The following WNT7B variants were observed in gnomAD, a reference collection of about 807,000 sequenced individuals.
WNT7B encodes protein Wnt-7b.
Under a neutral mutation model 38.2 loss-of-function variants are expected in WNT7B, and 19 were observed. The observed-to-expected ratio is 0.50, with a 90% CI of 0.35 to 0.73. The LOEUF (loss-of-function observed/expected upper bound fraction) is 0.73, where lower values mean the gene tolerates loss of function less well. WNT7B is among the 30% of genes least tolerant of loss of function. WNT7B has a pLI of 0.01. For synonymous variants in WNT7B, 243 were observed against 209.3 expected (o/e 1.16, Z -1.39); for missense variants, 423 against 507.9 (o/e 0.83, Z 1.61).
intron 1 of WNT7B, among the ~76,000 whole-genome samples, chr22:45,953,762 G>A (rs1016573791): frequency 4.0e-5 from 6 of 149,504 alleles, no homozygotes; most frequent in South Asian, 2.2e-4. Context: ...AGAAAGAAAA[G>A]AACAAGTGTT....
intron 2 of WNT7B, among the ~76,000 whole-genome samples, chr22:45,943,012 A>T (rs28616004): frequency 6.8e-6 from 1 of 147,048 alleles, no homozygotes; most frequent in African/African-American, 2.6e-5. Context: ...GTATGTGTGC[A>T]GTGTGCATGT....
intron 1 of WNT7B, among the ~76,000 whole-genome samples, chr22:45,955,367 T>C (rs1368153556): frequency 6.6e-6 from 1 of 152,242 alleles, no homozygotes; most frequent in Non-Finnish European, 1.5e-5. Flanking sequence ...ACTATTTTTA[T>C]AGCCAGTGAT....
intron 2 of WNT7B, among the ~76,000 whole-genome samples, chr22:45,937,071 A>G (rs966611514): frequency 6.6e-6 from 1 of 152,104 alleles, no homozygotes; most frequent in African/African-American, 2.4e-5. Context: ...GTGCCCTCCT[A>G]GGAGGAGAGC....
intron 2 of WNT7B, 126 bp downstream of exon 2, chr22:45,949,794 G>A: frequency 1.1e-6 from 1 of 924,070 alleles, no homozygotes; most frequent in East Asian, 2.7e-5. Flanking sequence ...CTCACAGGAA[G>A]GCAAAGAAAT....
intron 3 of WNT7B, chr22:45,927,043 G>C (rs1478857161): frequency 6.1e-6 from 6 of 985,430 alleles, no homozygotes; most frequent in Non-Finnish European, 7.2e-6. Context: ...ATGTCACCAA[G>C]AGAGGTGCCC....
rs1932302787 is a variant in WNT7B at position 45,965,972 on chromosome 22, G to A, written c.71+10712C>T. On this transcript the variant is annotated intron_variant, in intron 1 of 3. Coordinates refer to ENST00000339464, the MANE Select transcript of WNT7B (RefSeq NM_058238.3). This position sits in a 1 kb window ranked among gnomAD's most constrained non-coding sequence, Gnocchi z 6.5. ...TGGACCCGACAGCCAGGAGTCCCTG[G>A]GCTCAAATCTGGGCTCAGCTGCTTG... Among the ~76,000 whole-genome samples the A allele has an allele frequency of 6.6e-6, 1 of 152,140 alleles. No homozygotes were observed. The highest frequency in any genetic ancestry group is 1.5e-5 in the Non-Finnish European group (1 of 68,024).
chr22:45,938,824 C>T (rs1330913185), intron 2 of WNT7B, among the ~76,000 whole-genome samples: 1 of 152,190 alleles, frequency 6.6e-6, no homozygotes, highest in Admixed American at 6.5e-5. Context: ...ATCTTAAATA[C>T]CCTGACTTGA....
intron 2 of WNT7B, among the ~76,000 whole-genome samples, chr22:45,940,456 C>T (rs1238597176): frequency 1.3e-5 from 2 of 152,188 alleles, no homozygotes; most frequent in African/African-American, 4.8e-5. Context: ...TCTTGACACT[C>T]TACACACGCG....
At chr22:45,946,561 G>C (rs926025398) in intron 2 of WNT7B, among the ~76,000 whole-genome samples, 1 of 152,168 alleles carries the variant, frequency 6.6e-6, no homozygotes, top group Non-Finnish European at 1.5e-5. Context: ...GAAGACACAA[G>C]AGACAAGCCT....
At chr22:45,948,835 T>TCG (rs2146731387) in intron 2 of WNT7B, among the ~76,000 whole-genome samples, 1 of 122,892 alleles carries the variant, frequency 8.1e-6, no homozygotes, top group African/African-American at 4.6e-5. Flanking sequence ...CCCTTTTTTT[T>TCG]TTTTTTTTTT....
chr22:45,970,470 G>A (rs901241090), intron 1 of WNT7B, among the ~76,000 whole-genome samples: 5 of 152,016 alleles, frequency 3.3e-5, no homozygotes, highest in Non-Finnish European at 7.4e-5. Flanking sequence ...TGCTGCCTTG[G>A]CATCAACTCC....
intron 2 of WNT7B, among the ~76,000 whole-genome samples, chr22:45,936,663 C>T (rs1254115893): frequency 6.6e-6 from 1 of 152,286 alleles, no homozygotes; most frequent in African/African-American, 2.4e-5. Context: ...ACGCAGCCCC[C>T]TGCCCTGCCT....
chr22:45,929,840 A>C (rs1931264306), intron 3 of WNT7B, among the ~76,000 whole-genome samples: 45 of 111,626 alleles, frequency 4.0e-4, no homozygotes, highest in African/African-American at 1.4e-3. Flanking sequence ...ACTCTTCTAT[A>C]CATCCACCCA....
intron 2 of WNT7B, among the ~76,000 whole-genome samples, chr22:45,943,008 G>A (rs374200417): frequency 0.014 from 2,178 of 151,422 alleles, 53 homozygotes; most frequent in African/African-American, 0.049. Context: ...GCGTGTATGT[G>A]TGCAGTGTGC....
At chr22:45,929,735 CCCACCGATCCAT>C (rs1931254054) in intron 3 of WNT7B, among the ~76,000 whole-genome samples, 1 of 117,190 alleles carries the variant, frequency 8.5e-6, no homozygotes, top group Non-Finnish European at 1.9e-5. Flanking sequence ...CACCCATCCA[CCCACCGATCCAT>C]CCTTTCATTC....
chr22:45,937,510 C>T (rs900224721), intron 2 of WNT7B, among the ~76,000 whole-genome samples: 4 of 152,214 alleles, frequency 2.6e-5, no homozygotes, highest in Non-Finnish European at 5.9e-5. Context: ...TGACACACGA[C>T]ACATTTGGGA....
intron 3 of WNT7B, chr22:45,925,785 G>A: frequency 2.0e-6 from 2 of 985,396 alleles, no homozygotes; most frequent in South Asian, 4.7e-5. Flanking sequence ...GTTCCCAGCC[G>A]GGAGAAGTTC....
Position 45,941,066 on chromosome 22 carries a change from C to T in WNT7B, c.298+8854G>A, listed in dbSNP as rs138083052. Among the ~76,000 whole-genome samples, 516 of 152,284 alleles carry T rather than the reference C, an allele frequency of 3.4e-3. 1 individual carries two copies. The highest frequency in any genetic ancestry group is 0.012 in the African/African-American group (500 of 41,556). On this transcript the variant is annotated intron_variant, in intron 2 of 3. Transcript: ENST00000339464. ...ACTTACATTGAAAGGGACCCTCCAC[C>T]CCACCCACCGGGAGGCCTGTGCAAG...
chr22:45,924,303 C>G (rs1931012424), intron 3 of WNT7B, among the ~76,000 whole-genome samples: 1 of 152,164 alleles, frequency 6.6e-6, no homozygotes, highest in Non-Finnish European at 1.5e-5. Flanking sequence ...GTGGAGAAGT[C>G]CCCCAGAAAA....
Sources: gnomAD v4.1 joint callset for allele counts (sites outside exome capture counted in the v4.1 genomes callset) on GRCh38, gnomAD v4.1.1 for gene constraint, Gnocchi (gnomAD v3.1) non-coding constraint, MANE v1.5 for transcripts, NCBI Gene and HGNC (gene_info 2026-07-23, HGNC 2026-07-21) for gene names.